The following AFF4 variants were observed in gnomAD, a reference collection of about 807,000 sequenced individuals.
AFF4 encodes AF4/FMR2 family member 4.
In AFF4, 13 loss-of-function variants were observed where a neutral mutation model predicts 124.8. The ratio of observed to expected loss-of-function variants is 0.10; its 90% confidence interval spans 0.07 to 0.17. The LOEUF (loss-of-function observed/expected upper bound fraction) is 0.17, where lower values mean the gene tolerates loss of function less well. Among genes scored for constraint, AFF4 ranks in the 10% least tolerant of loss-of-function variants. The pLI, the probability that AFF4 is intolerant of heterozygous loss-of-function variation, is 1.00. For missense variants in AFF4, 1,092 were observed against 1,403.8 expected, an observed-to-expected ratio of 0.78 and a Z score of 3.55; for synonymous variants, 477 against 496.1, an observed-to-expected ratio of 0.96 and a Z score of 0.51.
chr5:132,883,333 T>G lies in AFF4; in HGVS notation c.3364+7A>C, dbSNP rs1361125827. 6 of 1,613,422 alleles carry G rather than the reference T, an allele frequency of 3.7e-6. No individual in the cohort carries two copies. The highest frequency in any genetic ancestry group is 4.2e-6 in the Non-Finnish European group (5 of 1,179,536). ...ATCCCTTGAAGTTTATCCAGAAACC[T>G]ACCTACCTTTTTGCTCTTTGGAAAG... On this transcript the variant is annotated splice_region_variant and intron_variant, in intron 20 of 20. Transcript: ENST00000265343.
At position 132,899,645 on chromosome 5, in the gene AFF4, G is replaced by A; in HGVS notation, c.1134-4C>T. The A allele has an allele frequency of 6.2e-7, 1 of 1,607,200 alleles. No individual in the cohort carries two copies. The highest frequency in any genetic ancestry group is 1.3e-5 in the African/African-American group (1 of 74,848). ...TTTTAAGTCATCTTTTAACATACTA[G>A]AGGGAAAAGACAAAGAATTATTATT... is the stretch of plus-strand genomic sequence containing the variant. On this transcript the variant is annotated splice_polypyrimidine_tract_variant and splice_region_variant and intron_variant, in intron 7 of 20. Coordinates refer to ENST00000265343, the MANE Select transcript of AFF4 (RefSeq NM_014423.4).
At chr5:132,937,641 G>A (rs1302282468) in intron 1 of AFF4, 1 of 152,436 alleles carries the variant, frequency 6.6e-6, no homozygotes, top group Non-Finnish European at 1.5e-5. Context: ...TCTCTACTTT[G>A]CATCTACCTT....
intron 1 of AFF4, among the ~76,000 whole-genome samples, chr5:132,955,363 C>T (rs1761928968): frequency 6.6e-6 from 1 of 152,096 alleles, no homozygotes; most frequent in South Asian, 2.1e-4. Context: ...CCAGGTACCC[C>T]ACCCACTTCT....
chr5:132,896,993 C>G lies in AFF4; in HGVS notation c.1637G>C (p.Arg546Thr). The G allele has an allele frequency of 6.2e-7, 1 of 1,614,182 alleles. No homozygotes were observed. Among genetic ancestry groups the G allele is most frequent in the Non-Finnish European group, 8.5e-7 (1 of 1,180,040 alleles). The change falls in exon 11 of 21, where the codon AGG becomes ACG. Residue 546 changes from arginine (R) to threonine (T), a missense_variant. Arg to Thr is a moderately conservative substitution (Grantham distance 71, BLOSUM62 -1). Around this residue, in one of 11 missense-constraint regions of AFF4, gnomAD observed 174 missense variants for 205.9 expected, o/e 0.84. Transcript: ENST00000265343. ...IQKGSESGRGRQKSPAQSDST... is the reference protein window; with the variant it reads ...IQKGSESGRGTQKSPAQSDST... Reference sequence around the variant, plus strand: ...GTCACTCTGTGCAGGAGATTTCTGCCTCCCACGCCCACTTTCTGATCCCTT... The same window carrying G: ...GTCACTCTGTGCAGGAGATTTCTGCGTCCCACGCCCACTTTCTGATCCCTT...
chr5:132,884,514 A>C (rs1258873887), intron 19 of AFF4, among the ~76,000 whole-genome samples: 1 of 152,224 alleles, frequency 6.6e-6, no homozygotes, highest in Non-Finnish European at 1.5e-5. Flanking sequence ...TGCTGGGATT[A>C]CAGGCGTGAG....
chr5:132,949,360 T>C (rs949858531), intron 1 of AFF4, among the ~76,000 whole-genome samples: 1 of 152,072 alleles, frequency 6.6e-6, no homozygotes, highest in African/African-American at 2.4e-5. Context: ...TGCCATCTTT[T>C]GGAATAAATT....
chr5:132,896,576 T>A lies in AFF4; in HGVS notation c.2054A>T (p.Asp685Val). The change falls in exon 11 of 21, where the codon GAT (aspartate) becomes GTT (valine). Residue 685 changes from aspartate to valine, a missense_variant. Asp to Val is a radical substitution (Grantham distance 152). Around this residue, in one of 11 missense-constraint regions of AFF4, gnomAD observed 293 missense variants for 280.2 expected, o/e 1.05. Coordinates refer to ENST00000265343, the MANE Select transcript of AFF4 (RefSeq NM_014423.4). ...PVKPSSVEEE[D>V]SFFRQRMFSP... Reference sequence around the variant, plus strand: ...GAACATTCGTTGCCGAAAAAAGCTATCTTCTTCCTCCACTGAGGAGGGTTT... The same window carrying A: ...GAACATTCGTTGCCGAAAAAAGCTAACTTCTTCCTCCACTGAGGAGGGTTT... 6.2e-7 allele frequency: 1 copy of A among 1,614,120 alleles called. No individual in the cohort carries two copies. The highest frequency in any genetic ancestry group is 1.3e-5 in the African/African-American group (1 of 75,012).
At chr5:132,934,088 A>G in intron 3 of AFF4, 59 bp downstream of exon 3, 2 of 1,517,006 alleles carry the variant, frequency 1.3e-6, no homozygotes, top group South Asian at 1.3e-5. Context: ...TCGTAATTTC[A>G]TGATCAGTCA....
In AFF4 at chr5:132,877,687, G is replaced by C. The variant is rs1247193015; in HGVS notation, c.*3372C>G. The stretch of plus-strand genomic sequence containing the variant: ...TGAAACTCCAGAGTACTGGCCTCTA[G>C]AGCCAGAACTTTCATTTATAACAAG... On this transcript the variant is annotated 3_prime_UTR_variant, in exon 21 of 21. Transcript: ENST00000265343. 34 of 211,750 alleles carry C rather than the reference G, an allele frequency of 1.6e-4. No homozygotes were observed. The East Asian group carries it at 2.3e-3, about 14-fold the overall frequency. 13.1% of individuals were successfully genotyped at this position (211,750 alleles called of 1,614,324 possible).
At chr5:132,961,268 G>A (rs1246540607) in intron 1 of AFF4, among the ~76,000 whole-genome samples, 1 of 152,064 alleles carries the variant, frequency 6.6e-6, no homozygotes, top group Non-Finnish European at 1.5e-5. Flanking sequence ...TCGTGCCTCA[G>A]CCTCTGGAGT....
intron 19 of AFF4, 100 bp from the exon 20 acceptor site, chr5:132,883,660 A>C: frequency 9.4e-7 from 1 of 1,068,144 alleles, no homozygotes; most frequent in South Asian, 1.5e-5. Context: ...TAAAATGTAA[A>C]GATTCTCTTA....
At position 132,881,014 on chromosome 5, in the gene AFF4, C is replaced by A. The variant is rs750786793; in HGVS notation, c.*45G>T. 3 of 1,594,508 alleles carry A rather than the reference C, an allele frequency of 1.9e-6. No individual in the cohort carries two copies. Among genetic ancestry groups the A allele is most frequent in the Non-Finnish European group, 2.6e-6 (3 of 1,171,716 alleles). ...ATGGCAGTTTTCCTTCGTGATGTGA[C>A]ACAGTGTTGTGGAGAAAATCAGAGG... On this transcript the variant is annotated 3_prime_UTR_variant, in exon 21 of 21. Coordinates refer to ENST00000265343, the MANE Select transcript of AFF4 (RefSeq NM_014423.4).
Position 132,886,412 on chromosome 5 carries a change from T to C in AFF4, c.3006-9A>G. ...AAGACTCGCATCGCAGGCTAGCCAA[T>C]GGAAAAGGGCGGCTTATTTACCAGG... is the stretch of plus-strand genomic sequence containing the variant. On this transcript the variant is annotated splice_polypyrimidine_tract_variant and intron_variant, in intron 17 of 20. Coordinates refer to ENST00000265343, the MANE Select transcript of AFF4 (RefSeq NM_014423.4). 1.9e-6 allele frequency: 3 copies of C among 1,613,046 alleles called. No homozygotes were observed. Among genetic ancestry groups the C allele is most frequent in the Non-Finnish European group, 2.5e-6 (3 of 1,179,652 alleles).
chr5:132,958,785 C>G (rs944593109), intron 1 of AFF4, among the ~76,000 whole-genome samples: 7 of 152,118 alleles, frequency 4.6e-5, no homozygotes, highest in African/African-American at 1.7e-4. Flanking sequence ...ACCCACTAGG[C>G]AACTCCAAAC....
intron 1 of AFF4, among the ~76,000 whole-genome samples, chr5:132,938,941 C>CAAAAAA (rs762784790): frequency 5.2e-5 from 2 of 38,324 alleles, no homozygotes; most frequent in Non-Finnish European, 4.4e-5. Context: ...AGACTCATCT[C>CAAAAAA]AAAAAAAAAA....
intron 1 of AFF4, 108 bp from the exon 2 acceptor site, chr5:132,937,301 T>C: frequency 7.5e-7 from 1 of 1,335,128 alleles, no homozygotes; most frequent in Non-Finnish European, 9.9e-7. Flanking sequence ...CCTTTTGACC[T>C]CCAAGTAATA....
intron 5 of AFF4, among the ~76,000 whole-genome samples, chr5:132,924,079 C>A (rs1384205733): frequency 6.6e-6 from 1 of 152,018 alleles, no homozygotes; most frequent in Non-Finnish European, 1.5e-5. Flanking sequence ...CATGATGAAA[C>A]CCCGTCTCTA....
chr5:132,927,479 A>G, intron 4 of AFF4: 1 of 345,850 alleles, frequency 2.9e-6, no homozygotes. Flanking sequence ...ATCAAATACA[A>G]GGCACATAAT....
At chr5:132,917,705 CTTTTT>C (rs58145774) in intron 5 of AFF4, among the ~76,000 whole-genome samples, 11 of 74,050 alleles carry the variant, frequency 1.5e-4, no homozygotes, top group Non-Finnish European at 2.3e-4. Context: ...CTTTTCTTTT[CTTTTT>C]TTTTTTTTTT....
Sources: allele counts gnomAD v4.1 joint callset (sites outside exome capture counted in the v4.1 genomes callset), GRCh38; gene constraint gnomAD v4.1.1; regional missense constraint gnomAD v4.1.1; transcripts MANE v1.5; gene names NCBI Gene and HGNC (gene_info 2026-07-23, HGNC 2026-07-21).